TARS3: variants seen among roughly 807,000 people sequenced by gnomAD.
The protein encoded by TARS3 is threonine--tRNA ligase 2, cytoplasmic.
Under a neutral mutation model 103.5 loss-of-function variants are expected in TARS3, and 94 were observed. The ratio of observed to expected loss-of-function variants is 0.91; its 90% CI spans 0.77 to 1.08. The LOEUF is 1.08. Ranked by LOEUF, TARS3 falls within the 50% of genes least tolerant of loss-of-function variation. TARS3 has a pLI of 0.00. For synonymous variants in TARS3, 416 were observed against 355.4 expected, an observed-to-expected ratio of 1.17 and a Z score of -1.92; for missense variants, 952 against 995.2, an observed-to-expected ratio of 0.96 and a Z score of 0.58.
Position 101,712,014 on chromosome 15 carries a change from G to C in TARS3, c.691-13C>G. On this transcript the variant is annotated splice_polypyrimidine_tract_variant and intron_variant, in intron 4 of 18. Coordinates refer to ENST00000335968, the MANE Select transcript of TARS3 (RefSeq NM_152334.3). Reference sequence around the variant, plus strand: ...AGTGCCAGTACACCTGCATGGCATGGACAAAGAGGCCATTAGCTACCAAAA... The same window carrying C: ...AGTGCCAGTACACCTGCATGGCATGCACAAAGAGGCCATTAGCTACCAAAA... 1 of 1,604,360 alleles carries C rather than the reference G, an allele frequency of 6.2e-7. No homozygotes were observed. The highest frequency in any genetic ancestry group is 8.5e-7 in the Non-Finnish European group (1 of 1,176,464).
intron 9 of TARS3, among the ~76,000 whole-genome samples, 179 bp from the exon 10 acceptor site, chr15:101,701,363 C>G (rs539288045): frequency 6.6e-6 from 1 of 152,302 alleles, no homozygotes; most frequent in Admixed American, 6.5e-5. Context: ...ATATTTATGC[C>G]TAATTAGCTT....
chr15:101,706,138 T>C (rs1899548519), intron 6 of TARS3, among the ~76,000 whole-genome samples: 1 of 152,124 alleles, frequency 6.6e-6, no homozygotes, highest in Admixed American at 6.5e-5. Flanking sequence ...TATTTTTGTA[T>C]TTTTACTATG....
At chr15:101,715,942 T>C (rs560803015) in intron 3 of TARS3, among the ~76,000 whole-genome samples, 15 of 152,216 alleles carry the variant, frequency 9.9e-5, no homozygotes, top group Admixed American at 2.0e-4. Flanking sequence ...TTGAAAATTG[T>C]TGTTTTGATT....
Position 101,657,865 on chromosome 15 carries a change from A to C in TARS3, c.2073-8T>G, listed in dbSNP as rs1374119715. On this transcript the variant is annotated splice_polypyrimidine_tract_variant and splice_region_variant and intron_variant, in intron 16 of 18. Coordinates refer to ENST00000335968, the MANE Select transcript of TARS3 (RefSeq NM_152334.3). Reference sequence around the variant, plus strand: ...GGAGATAGCCAGAAAGGCCTGAAAAATATATATAAAATATGTATTTTCAAA... The same window carrying C: ...GGAGATAGCCAGAAAGGCCTGAAAACTATATATAAAATATGTATTTTCAAA... The C allele has an allele frequency of 6.5e-7, 1 of 1,546,276 alleles. No homozygotes were observed. Among genetic ancestry groups the C allele is most frequent in the Non-Finnish European group, 8.8e-7 (1 of 1,134,030 alleles).
chr15:101,704,481 T>C (rs1899443482), intron 7 of TARS3, among the ~76,000 whole-genome samples: 1 of 151,744 alleles, frequency 6.6e-6, no homozygotes, highest in Non-Finnish European at 1.5e-5. Flanking sequence ...AGTGAAACCC[T>C]GTCTCTAATA....
intron 15 of TARS3, 148 bp downstream of exon 15, chr15:101,671,338 C>G: frequency 1.7e-6 from 1 of 596,998 alleles, no homozygotes; most frequent in Middle Eastern, 4.7e-4. Flanking sequence ...TGATTCGCAA[C>G]TGGATTATGA....
chr15:101,724,455 T>C lies in TARS3; in HGVS notation c.-68A>G, dbSNP rs1567365786. The C allele has an allele frequency of 1.5e-6, 2 of 1,347,958 alleles. No individual in the cohort carries two copies. Among genetic ancestry groups the C allele is most frequent in the African/African-American group, 1.5e-5 (1 of 64,566 alleles). 83.5% of individuals were successfully genotyped at this position (1,347,958 alleles called of 1,614,324 possible). ...ACTGCGGCGAGGGCGACGCGGACACTCAGCGCACGGCAGAAGACAGGGCTC... is the reference window on the plus strand; with the variant it reads ...ACTGCGGCGAGGGCGACGCGGACACCCAGCGCACGGCAGAAGACAGGGCTC... On this transcript the variant is annotated 5_prime_UTR_variant, in exon 1 of 19. Coordinates refer to ENST00000335968, the MANE Select transcript of TARS3 (RefSeq NM_152334.3).
Position 101,701,139 on chromosome 15 carries a change from A to T in TARS3, c.1267T>A (p.Phe423Ile). The change falls in exon 10 of 19, where the codon TTT becomes ATT. Residue 423 changes from phenylalanine to isoleucine, a missense_variant. Phe to Ile is a conservative substitution (Grantham distance 21). Transcript: ENST00000335968. ...FFHDLSPGSC[F>I]FLPRGAFIYN... ...ATGAAGGCTCCTCTGGGAAGGAAAAAACAGCTTCCAGGACTCAAATCGTGG... is the reference window on the plus strand; with the variant it reads ...ATGAAGGCTCCTCTGGGAAGGAAAATACAGCTTCCAGGACTCAAATCGTGG... 7 of 1,599,608 alleles carry T rather than the reference A, an allele frequency of 4.4e-6. No homozygotes were observed. Among genetic ancestry groups the T allele is most frequent in the Non-Finnish European group, 6.0e-6 (7 of 1,176,108 alleles).
intron 11 of TARS3, 48 bp downstream of exon 11, chr15:101,685,848 C>T (rs532390546): frequency 7.7e-6 from 11 of 1,433,798 alleles, no homozygotes; most frequent in Admixed American, 2.1e-5. Context: ...TGTGACGAAG[C>T]GTGCTATGTG....
intron 10 of TARS3, chr15:101,699,196 C>T (rs1899131051): frequency 3.9e-6 from 1 of 259,434 alleles, no homozygotes; most frequent in Non-Finnish European, 7.7e-6. Flanking sequence ...CTGAGTTCTC[C>T]AAAAGGTTTT....
Position 101,653,682 on chromosome 15 carries a change from GATT to G in TARS3, c.*897_*899del, listed in dbSNP as rs1220180311. The G allele has an allele frequency of 5.9e-5, 9 of 152,334 alleles. No homozygotes were observed. Among genetic ancestry groups the G allele is most frequent in the Admixed American group, 5.2e-4 (8 of 15,306 alleles). The allele number at this position is 152,334 out of a possible 1,614,324, so 9.4% of individuals were successfully genotyped here. A position where few individuals can be genotyped will look rare whatever the true frequency, so the allele number is the denominator to read the frequency against. ...CTAAATGATCAGTATATTGAAAAGA[GATT>G]ATTTCTTACATTTCTTTTGAATTTC... On this transcript the variant is annotated 3_prime_UTR_variant, in exon 19 of 19. Coordinates refer to ENST00000335968, the MANE Select transcript of TARS3 (RefSeq NM_152334.3).
chr15:101,724,391 G>C lies in TARS3; in HGVS notation c.-4C>G, dbSNP rs766642887. The C allele has an allele frequency of 6.7e-7, 1 of 1,484,344 alleles. No homozygotes were observed. Among genetic ancestry groups the C allele is most frequent in the Non-Finnish European group, 8.9e-7 (1 of 1,123,290 alleles). 91.9% of individuals were successfully genotyped at this position (1,484,344 alleles called of 1,614,324 possible). A position where few individuals can be genotyped will look rare whatever the true frequency, so the allele number is the denominator to read the frequency against. ...CCGCCAGGGCCTCGGCCGCCATCGC[G>C]GCCTCCCTCAGGCACCGACGCCGAG... On this transcript the variant is annotated 5_prime_UTR_variant, in exon 1 of 19. Transcript: ENST00000335968.
chr15:101,656,841 G>T, intron 18 of TARS3, 81 bp downstream of exon 18: 1 of 815,436 alleles, frequency 1.2e-6, no homozygotes, highest in Non-Finnish European at 2.0e-6. Context: ...TCAAGTAGTT[G>T]AACCATATTT....
intron 10 of TARS3, chr15:101,699,183 C>A (rs1056327035): frequency 1.6e-5 from 4 of 257,960 alleles, no homozygotes; most frequent in Non-Finnish European, 1.5e-5. Flanking sequence ...ACAGAAAAAA[C>A]AGCTGAGTTC....
chr15:101,667,508 G>A (rs1459684370), intron 15 of TARS3, among the ~76,000 whole-genome samples: 2 of 152,050 alleles, frequency 1.3e-5, no homozygotes, highest in Admixed American at 6.6e-5. Context: ...TAGATCTTCT[G>A]GATAACTTGC....
rs376197794 is a variant in TARS3 at position 101,721,203 on chromosome 15, T to C, written c.489A>G (p.Thr163=). 1 of 1,613,886 alleles carries C rather than the reference T, an allele frequency of 6.2e-7. No individual in the cohort carries two copies. The highest frequency in any genetic ancestry group is 1.3e-5 in the African/African-American group (1 of 74,934). ...CTGTTTGCCCATCAGCCACTCTTAC[T>C]GTGATGATGTTGCTTGTATCCCCCT... ...GKKGDTSNII[T]VRVADGQTVQ... The change falls in exon 3 of 19, where the codon ACA becomes ACG. Residue 163 remains threonine (T), a synonymous_variant. Coordinates refer to ENST00000335968, the MANE Select transcript of TARS3 (RefSeq NM_152334.3).
At chr15:101,666,740 T>C (rs1467785254) in intron 15 of TARS3, among the ~76,000 whole-genome samples, 1 of 152,164 alleles carries the variant, frequency 6.6e-6, no homozygotes, top group Non-Finnish European at 1.5e-5. Flanking sequence ...TATTCTCTTA[T>C]ATCTTCAGAT....
intron 9 of TARS3, 109 bp downstream of exon 9, chr15:101,702,130 G>A: frequency 7.4e-7 from 1 of 1,353,114 alleles, no homozygotes; most frequent in East Asian, 2.3e-5. Flanking sequence ...AGCAAAATAG[G>A]AGAGAAGAAG....
At chr15:101,711,834 T>C in intron 5 of TARS3, 46 bp downstream of exon 5, 1 of 1,601,462 alleles carries the variant, frequency 6.2e-7, no homozygotes, top group Non-Finnish European at 8.5e-7. Flanking sequence ...TACAGAACAA[T>C]ACAATTGAAA....
Sources: gnomAD v4.1 joint callset for allele counts (sites outside exome capture counted in the v4.1 genomes callset) on GRCh38, gnomAD v4.1.1 for gene constraint, MANE v1.5 for transcripts, NCBI Gene and HGNC (gene_info 2026-07-23, HGNC 2026-07-21) for gene names.